PRDM16: variants seen among roughly 807,000 people sequenced by gnomAD.
The protein encoded by PRDM16 is PR/SET domain 16.
In PRDM16, 23 loss-of-function variants were observed where a neutral mutation model predicts 110.6. The observed-to-expected ratio is 0.21, with a 90% confidence interval of 0.15 to 0.29. The LOEUF is 0.29. Among genes scored for constraint, PRDM16 ranks in the 10% least tolerant of loss-of-function variants. PRDM16 has a pLI of 1.00. For missense variants in PRDM16, 1,615 were observed against 1,794.3 expected (o/e 0.90, Z 1.81); for synonymous variants, 799 against 781.8 (o/e 1.02, Z -0.37).
chr1:3,227,527 G>A (rs1048849884), intron 2 of PRDM16, among the ~76,000 whole-genome samples: 6 of 152,272 alleles, frequency 3.9e-5, no homozygotes, highest in Admixed American at 2.0e-4. Flanking sequence ...GACCGTGACA[G>A]TCCAGCGTGG....
chr1:3,339,742 C>G lies in PRDM16; in HGVS notation c.439-45410C>G, dbSNP rs1016872542. Among the ~76,000 whole-genome samples the G allele has an allele frequency of 7.2e-5, 11 of 152,104 alleles. No individual in the cohort carries two copies. The highest frequency in any genetic ancestry group is 2.7e-4 in the African/African-American group (11 of 41,408). The stretch of plus-strand genomic sequence containing the variant: ...CAGCCTCCCTCAGAACTGTGGGAGA[C>G]GGGGCTAAACTCCCCCCTCACCTGC... On this transcript the variant is annotated intron_variant, in intron 3 of 16. Transcript: ENST00000270722. This position sits in a 1 kb window ranked among gnomAD's most constrained non-coding sequence, Gnocchi z 5.0.
At chr1:3,176,979 T>C (rs995858287) in intron 1 of PRDM16, among the ~76,000 whole-genome samples, 1 of 151,550 alleles carries the variant, frequency 6.6e-6, no homozygotes, top group African/African-American at 2.4e-5. Context: ...CATTAACCCA[T>C]CCAGCACTCA....
At chr1:3,322,296 G>C (rs1294081360) in intron 3 of PRDM16, among the ~76,000 whole-genome samples, 1 of 152,152 alleles carries the variant, frequency 6.6e-6, no homozygotes, top group Non-Finnish European at 1.5e-5. Flanking sequence ...AGCTCAGAGC[G>C]AGGGGAAACA....
chr1:3,285,782 G>A (rs568621994), intron 3 of PRDM16, among the ~76,000 whole-genome samples: 8 of 152,174 alleles, frequency 5.3e-5, no homozygotes, highest in South Asian at 4.2e-4. Context: ...CCCCACCACC[G>A]GACACCTGGC....
At chr1:3,084,387 C>T (rs1000713988) in intron 1 of PRDM16, among the ~76,000 whole-genome samples, 2 of 152,164 alleles carry the variant, frequency 1.3e-5, no homozygotes, top group Non-Finnish European at 2.9e-5. Context: ...CTGATGGGGC[C>T]GAAAGCGCTC....
chr1:3,397,567 G>A (rs1203790655), intron 5 of PRDM16, among the ~76,000 whole-genome samples: 1 of 152,250 alleles, frequency 6.6e-6, no homozygotes, highest in East Asian at 1.9e-4. Context: ...CTGAGCAGAC[G>A]GCTCCAGGGT....
Position 3,144,357 on chromosome 1 carries a change from A to G in PRDM16, c.38-41768A>G, listed in dbSNP as rs1643606298. 5.3e-5 allele frequency among the ~76,000 whole-genome samples: 8 copies of G among 152,138 alleles called. No homozygotes were observed. The South Asian group carries it at 1.7e-3, about 32-fold the overall frequency. On this transcript the variant is annotated intron_variant, in intron 1 of 16. Transcript: ENST00000270722. ...GTGGCTTTGGGAAAGGCTCCTCCCC[A>G]TCCCAGCTGCCCTGTCTGCAGAGAG...
At chr1:3,071,154 A>G (rs1327573068) in intron 1 of PRDM16, among the ~76,000 whole-genome samples, 1 of 152,258 alleles carries the variant, frequency 6.6e-6, no homozygotes, top group Non-Finnish European at 1.5e-5. Flanking sequence ...GGAACGAGAA[A>G]GGGGAAACCG....
chr1:3,130,076 G>T (rs759276916), intron 1 of PRDM16, among the ~76,000 whole-genome samples: 1 of 152,170 alleles, frequency 6.6e-6, no homozygotes, highest in Non-Finnish European at 1.5e-5. Context: ...CCCCTGGGCA[G>T]ACTCCTGCTC....
At chr1:3,313,039 G>A (rs772785551) in intron 3 of PRDM16, among the ~76,000 whole-genome samples, 12 of 152,214 alleles carry the variant, frequency 7.9e-5, no homozygotes, top group Non-Finnish European at 1.3e-4. Context: ...GCGTTCACAC[G>A]TGGTGTACAC....
chr1:3,345,344 C>G (rs572120692), intron 3 of PRDM16, among the ~76,000 whole-genome samples: 24 of 152,316 alleles, frequency 1.6e-4, no homozygotes, highest in Admixed American at 7.2e-4. Flanking sequence ...AGAAGCTACT[C>G]TACCACTGTG....
chr1:3,287,899 T>G (rs1569999311), intron 3 of PRDM16, among the ~76,000 whole-genome samples: 1 of 152,062 alleles, frequency 6.6e-6, no homozygotes, highest in African/African-American at 2.4e-5. Flanking sequence ...GCCCCCTGCA[T>G]GGAGCCTCGC....
chr1:3,196,374 G>A (rs1235166835), intron 2 of PRDM16, among the ~76,000 whole-genome samples: 1 of 152,258 alleles, frequency 6.6e-6, no homozygotes, highest in Non-Finnish European at 1.5e-5. Flanking sequence ...GGGCTTGGGG[G>A]AATTCTGTGT....
chr1:3,211,209 A>T (rs1449452068), intron 2 of PRDM16, among the ~76,000 whole-genome samples: 1 of 152,190 alleles, frequency 6.6e-6, no homozygotes, highest in Non-Finnish European at 1.5e-5. Flanking sequence ...CCCATTGTAC[A>T]CAGGTCTGTT....
At chr1:3,351,598 C>G in intron 3 of PRDM16, among the ~76,000 whole-genome samples, 1 of 29,592 alleles carries the variant, frequency 3.4e-5, no homozygotes, top group Non-Finnish European at 8.1e-5. Context: ...CTCTCTCTTC[C>G]CCTCCCTCTC....
chr1:3,432,253 CA>C (rs1330010267), intron 16 of PRDM16, 113 bp downstream of exon 16: 2 of 860,494 alleles, frequency 2.3e-6, no homozygotes, highest in Admixed American at 2.2e-5. Flanking sequence ...TCTGGTCACG[CA>C]AACGCCCCCA....
intron 12 of PRDM16, among the ~76,000 whole-genome samples, chr1:3,420,202 G>A (rs1638389062): frequency 6.6e-6 from 1 of 152,200 alleles, no homozygotes; most frequent in Non-Finnish European, 1.5e-5. Flanking sequence ...TGCAAATCCT[G>A]ACTTTATCTG....
intron 3 of PRDM16, among the ~76,000 whole-genome samples, chr1:3,300,983 C>G (rs1348532942): frequency 6.6e-6 from 1 of 152,142 alleles, no homozygotes; most frequent in Non-Finnish European, 1.5e-5. Flanking sequence ...GGGAGCTTGT[C>G]AAGTGCAAGG....
chr1:3,214,242 G>A (rs1638968756), intron 2 of PRDM16, among the ~76,000 whole-genome samples: 1 of 152,090 alleles, frequency 6.6e-6, no homozygotes, highest in Non-Finnish European at 1.5e-5. Flanking sequence ...CTAGATCTGA[G>A]GAGGGTCTGA....
Sources: allele counts gnomAD v4.1 joint callset (sites outside exome capture counted in the v4.1 genomes callset), GRCh38; gene constraint gnomAD v4.1.1; non-coding constraint Gnocchi (gnomAD v3.1); transcripts MANE v1.5; gene names NCBI Gene and HGNC (gene_info 2026-07-23, HGNC 2026-07-21).